The following RALGPS1 variants were observed in gnomAD, a reference collection of about 807,000 sequenced individuals.
RALGPS1 encodes the protein Ral GEF with PH domain and SH3 binding motif 1.
RALGPS1 carries 19 observed loss-of-function variants against 78.8 expected under a neutral mutation model. That is an observed-to-expected ratio of 0.24 (90% confidence interval 0.17 to 0.35). The LOEUF (loss-of-function observed/expected upper bound fraction) is 0.35, where lower values mean the gene tolerates loss of function less well. Among genes scored for constraint, RALGPS1 ranks in the 10% least tolerant of loss-of-function variants. The probability of loss-of-function intolerance (pLI) is 1.00; values close to 1 mark genes in which losing one functional copy is unlikely to be tolerated. For synonymous variants in RALGPS1, 228 were observed against 256.3 expected, an observed-to-expected ratio of 0.89 and a Z score of 1.06; for missense variants, 454 against 688.3, an observed-to-expected ratio of 0.66 and a Z score of 3.81.
chr9:127,048,765 T>C (rs1286715748), intron 5 of RALGPS1, among the ~76,000 whole-genome samples: 1 of 152,258 alleles, frequency 6.6e-6, no homozygotes, highest in African/African-American at 2.4e-5. Flanking sequence ...ATTTGGTATT[T>C]AGAAAAACTT....
intron 8 of RALGPS1, among the ~76,000 whole-genome samples, chr9:127,111,690 G>C (rs930051589): frequency 2.6e-5 from 4 of 152,166 alleles, no homozygotes; most frequent in Admixed American, 2.6e-4. Flanking sequence ...CCAGTTTCCC[G>C]TGTTCTCATA....
chr9:127,028,178 G>A (rs1351299123), intron 4 of RALGPS1, among the ~76,000 whole-genome samples: 2 of 152,238 alleles, frequency 1.3e-5, no homozygotes, highest in Admixed American at 6.5e-5. Context: ...TAACTCAGGT[G>A]TGGTGCTCTC....
chr9:127,064,674 G>C (rs2049519447), intron 7 of RALGPS1, among the ~76,000 whole-genome samples: 1 of 152,182 alleles, frequency 6.6e-6, no homozygotes, highest in Non-Finnish European at 1.5e-5. Context: ...TATGGTAGAT[G>C]TTGGTTTAGT....
intron 4 of RALGPS1, among the ~76,000 whole-genome samples, chr9:127,029,085 C>T (rs1453658586): frequency 2.0e-5 from 3 of 152,110 alleles, no homozygotes; most frequent in African/African-American, 7.2e-5. Context: ...ACTGCCACAG[C>T]AGTCAGTATA....
chr9:126,977,876 A>G (rs1453028388), intron 4 of RALGPS1, 131 bp downstream of exon 4: 6 of 615,040 alleles, frequency 9.8e-6, no homozygotes, highest in Non-Finnish European at 1.7e-5. Context: ...TTTAAACCCC[A>G]TTCTATTCTT....
intron 8 of RALGPS1, among the ~76,000 whole-genome samples, chr9:127,133,963 G>A (rs377361478): frequency 6.6e-6 from 1 of 151,840 alleles, no homozygotes. Context: ...AGGCTGCTCC[G>A]GATAATGCCC....
Position 127,178,472 on chromosome 9 carries a change from T to C in RALGPS1, c.910+3690T>C, listed in dbSNP as rs949250863. 33 of 991,772 alleles carry C rather than the reference T, an allele frequency of 3.3e-5. No individual in the cohort carries two copies. In the South Asian group the frequency reaches 1.3e-3, roughly 39 times the overall value. The allele number at this position is 991,772 out of a possible 1,614,324, so 61.4% of individuals were successfully genotyped here. The stretch of plus-strand genomic sequence containing the variant: ...CACAGTGCGCAACATAGAACACACG[T>C]GTTAGGTGGAACTTGATCATGGTGA... On this transcript the variant is annotated intron_variant, in intron 11 of 18. Coordinates refer to ENST00000259351, the MANE Select transcript of RALGPS1 (RefSeq NM_014636.3).
At chr9:127,012,589 T>C (rs1433855123) in intron 4 of RALGPS1, among the ~76,000 whole-genome samples, 1 of 152,000 alleles carries the variant, frequency 6.6e-6, no homozygotes, top group African/African-American at 2.4e-5. Flanking sequence ...GACGTGGAGG[T>C]AGTCAGGACG....
chr9:127,049,428 A>G (rs1355123988), intron 5 of RALGPS1, among the ~76,000 whole-genome samples: 4 of 152,318 alleles, frequency 2.6e-5, no homozygotes, highest in Non-Finnish European at 4.4e-5. Flanking sequence ...TTTTTGGTGC[A>G]TGCTGTCTCC....
At chr9:127,161,970 G>T (rs1374438599) in intron 8 of RALGPS1, among the ~76,000 whole-genome samples, 1 of 152,194 alleles carries the variant, frequency 6.6e-6, no homozygotes, top group Non-Finnish European at 1.5e-5. Context: ...TCTGGGCAAA[G>T]CTCTTAGTTT....
chr9:127,150,212 AG>A (rs990949026), intron 8 of RALGPS1, among the ~76,000 whole-genome samples: 1 of 152,168 alleles, frequency 6.6e-6, no homozygotes, highest in African/African-American at 2.4e-5. Flanking sequence ...TTTTGCCTGC[AG>A]GCTCCCATTC....
chr9:127,077,702 C>T (rs2050797205), intron 8 of RALGPS1, among the ~76,000 whole-genome samples: 1 of 152,058 alleles, frequency 6.6e-6, no homozygotes, highest in Non-Finnish European at 1.5e-5. Context: ...GCCTTTTTTT[C>T]ATTTCCCCTC....
intron 8 of RALGPS1, 189 bp downstream of exon 8, chr9:127,069,545 A>T (rs2050012132): frequency 1.7e-6 from 1 of 579,464 alleles, no homozygotes; most frequent in Non-Finnish European, 3.0e-6. Flanking sequence ...GATTAGGGTG[A>T]TATACAAGTG....
chr9:127,046,805 T>C lies in RALGPS1; in HGVS notation c.301-3238T>C, dbSNP rs188789017. 2.9e-4 allele frequency among the ~76,000 whole-genome samples: 44 copies of C among 151,674 alleles called. 1 individual carries two copies. In the East Asian group the frequency reaches 5.8e-3, roughly 20 times the overall value. ...AAGGACAGATGTCCCAGTAGAAAGATAGTTCTTCACAAGGACCTGTGCAGG... is the reference window on the plus strand; with the variant it reads ...AAGGACAGATGTCCCAGTAGAAAGACAGTTCTTCACAAGGACCTGTGCAGG... On this transcript the variant is annotated intron_variant, in intron 5 of 18. Coordinates refer to ENST00000259351, the MANE Select transcript of RALGPS1 (RefSeq NM_014636.3).
At chr9:126,926,767 G>A (rs139896301) in intron 1 of RALGPS1, among the ~76,000 whole-genome samples, 94 of 152,236 alleles carry the variant, frequency 6.2e-4, no homozygotes, top group African/African-American at 2.0e-3. Flanking sequence ...GAATTCAGGA[G>A]TGGGATGATG....
In RALGPS1 at chr9:127,115,180, A is replaced by AATTATTATT. The variant is rs112610239; in HGVS notation, c.610+45840_610+45848dup. ...CCAGTTGAGGTCTGTTGTCTTACGT[A>AATTATTATT]ATTATTATTATTATTATTATTATTT... On this transcript the variant is annotated intron_variant, in intron 8 of 18. Coordinates refer to ENST00000259351, the MANE Select transcript of RALGPS1 (RefSeq NM_014636.3). Among the ~76,000 whole-genome samples, 8 of 151,206 alleles carry AATTATTATT rather than the reference A, an allele frequency of 5.3e-5. 1 individual carries two copies. In the East Asian group the frequency reaches 1.6e-3, roughly 29 times the overall value.
chr9:126,951,589 G>A (rs1299061960), intron 1 of RALGPS1, among the ~76,000 whole-genome samples: 2 of 151,050 alleles, frequency 1.3e-5, no homozygotes, highest in Admixed American at 6.6e-5. Context: ...CTCAATAGAT[G>A]CAGAAAAGGC....
At chr9:126,977,639 A>C (rs2040799694) in intron 3 of RALGPS1, 56 bp from the exon 4 acceptor site, 2 of 1,245,356 alleles carry the variant, frequency 1.6e-6, no homozygotes, top group African/African-American at 1.5e-5. Context: ...ATAAAGTAAC[A>C]TGACAGTTAT....
Position 127,077,822 on chromosome 9 carries a change from G to A in RALGPS1, c.610+8466G>A, listed in dbSNP as rs78955139. On this transcript the variant is annotated intron_variant, in intron 8 of 18. Transcript: ENST00000259351. Reference sequence around the variant, plus strand: ...TGGCCCCAGACTTCTGAGCCCTCCCGCTGGTCCCCTCCTGCATTTCCCAGT... The same window carrying A: ...TGGCCCCAGACTTCTGAGCCCTCCCACTGGTCCCCTCCTGCATTTCCCAGT... Among the ~76,000 whole-genome samples, 89 of 152,216 alleles carry A rather than the reference G, an allele frequency of 5.8e-4. No homozygotes were observed. In the East Asian group the frequency reaches 0.01, roughly 18 times the overall value.
Sources: allele counts gnomAD v4.1 joint callset (sites outside exome capture counted in the v4.1 genomes callset), GRCh38; gene constraint gnomAD v4.1.1; transcripts MANE v1.5; gene names NCBI Gene and HGNC (gene_info 2026-07-23, HGNC 2026-07-21).